SNX29: variants seen among roughly 807,000 people sequenced by gnomAD.
SNX29 encodes the protein sorting nexin 29, also known as sorting nexin-29.
A neutral mutation model predicts 102.1 loss-of-function variants in SNX29; 78 were observed. The ratio of observed to expected loss-of-function variants is 0.76; its 90% CI spans 0.64 to 0.92. The LOEUF (loss-of-function observed/expected upper bound fraction) is 0.92. SNX29 is among the 40% of genes least tolerant of loss of function. The probability of loss-of-function intolerance (pLI) is 0.00; values close to 1 mark genes in which losing one functional copy is unlikely to be tolerated. For missense variants in SNX29, 1,280 were observed against 1,061.7 expected (o/e 1.21, Z -2.86); for synonymous variants, 580 against 414.5 (o/e 1.40, Z -4.85).
intron 19 of SNX29, among the ~76,000 whole-genome samples, chr16:12,489,824 G>A (rs185748926): frequency 2.7e-5 from 4 of 147,816 alleles, no homozygotes; most frequent in South Asian, 4.3e-4. Flanking sequence ...CTTTTTTTTC[G>A]AGATTGCGTC....
chr16:12,078,915 A>G lies in SNX29; in HGVS notation c.1402A>G (p.Ser468Gly), dbSNP rs752408192. ...CTCAGTGCCAGAGTCCATGACAATT[A>G]GTAAGTACTTTCGCAGCCCCCTCCA... is the stretch of plus-strand genomic sequence containing the variant. ...SASVPESMTI[S>G]ELRQATVAMM... is the part of the protein sequence containing the mutation. The change falls in exon 11 of 21, where the codon AGT becomes GGT. Residue 468 changes from serine to glycine, a missense_variant and splice_region_variant. Physicochemically the swap from Ser to Gly is moderately conservative, Grantham distance 56 (BLOSUM62 0). Coordinates refer to ENST00000566228, the MANE Select transcript of SNX29 (RefSeq NM_032167.5). 6.3e-7 allele frequency: 1 copy of G among 1,599,882 alleles called. No homozygotes were observed. The highest frequency in any genetic ancestry group is 8.5e-7 in the Non-Finnish European group (1 of 1,173,272).
chr16:12,552,640 G>A (rs963341548), intron 20 of SNX29, among the ~76,000 whole-genome samples: 4 of 152,192 alleles, frequency 2.6e-5, no homozygotes, highest in Non-Finnish European at 4.4e-5. Flanking sequence ...CCAAACAAAT[G>A]GAAGGATTGC....
At chr16:12,444,415 G>T (rs553931584) in intron 18 of SNX29, among the ~76,000 whole-genome samples, 1 of 152,252 alleles carries the variant, frequency 6.6e-6, no homozygotes, top group Non-Finnish European at 1.5e-5. Flanking sequence ...GCAGGTGGCT[G>T]CTTCCAGCCC....
At chr16:12,396,582 T>C (rs950433003) in intron 16 of SNX29, among the ~76,000 whole-genome samples, 1 of 152,174 alleles carries the variant, frequency 6.6e-6, no homozygotes, top group Non-Finnish European at 1.5e-5. Context: ...CTACAGTGTC[T>C]GCCAGAGAAG....
intron 20 of SNX29, among the ~76,000 whole-genome samples, chr16:12,566,878 C>G (rs1040572062): frequency 3.3e-5 from 5 of 152,346 alleles, no homozygotes; most frequent in African/African-American, 1.2e-4. Context: ...GGCAAAGCAA[C>G]AACTTGACTT....
chr16:12,230,949 C>T (rs908976023), intron 14 of SNX29, among the ~76,000 whole-genome samples: 2 of 152,076 alleles, frequency 1.3e-5, no homozygotes, highest in African/African-American at 4.8e-5. Flanking sequence ...TGGGTTCAAG[C>T]GATTCTCCTG....
At chr16:12,560,561 G>T (rs76318072) in intron 20 of SNX29, among the ~76,000 whole-genome samples, 2 of 152,152 alleles carry the variant, frequency 1.3e-5, no homozygotes, top group South Asian at 2.1e-4. Context: ...GTTGCTCAGT[G>T]TGATTCCTTG....
At chr16:12,013,542 T>TATATAGAGAGAGAGAGAGAGAGAGAG (rs1382498593) in intron 3 of SNX29, among the ~76,000 whole-genome samples, 7 of 109,074 alleles carry the variant, frequency 6.4e-5, no homozygotes, top group African/African-American at 2.4e-4. Flanking sequence ...TATATATATA[T>TATATAGAGAGAGAGAGAGAGAGAGAG]CGAGAGAGGA....
chr16:12,192,286 G>A (rs946225912), intron 13 of SNX29, among the ~76,000 whole-genome samples: 1 of 152,200 alleles, frequency 6.6e-6, no homozygotes, highest in African/African-American at 2.4e-5. Flanking sequence ...GGGGCTGGGA[G>A]TGGGAAGGAG....
At chr16:12,330,792 C>G (rs2081271857) in intron 15 of SNX29, among the ~76,000 whole-genome samples, 1 of 152,206 alleles carries the variant, frequency 6.6e-6, no homozygotes, top group Non-Finnish European at 1.5e-5. Flanking sequence ...TTTGGTCACT[C>G]AGCAGCCCAG....
At chr16:12,205,651 T>A (rs893919639) in intron 14 of SNX29, among the ~76,000 whole-genome samples, 17 of 152,234 alleles carry the variant, frequency 1.1e-4, no homozygotes, top group Admixed American at 9.2e-4. Flanking sequence ...CCTGTCTCCA[T>A]TCAGATACCA....
intron 13 of SNX29, among the ~76,000 whole-genome samples, chr16:12,150,080 G>A (rs145335695): frequency 2.0e-5 from 3 of 152,272 alleles, no homozygotes; most frequent in East Asian, 1.9e-4. Context: ...TCCCAATGAG[G>A]AGTTTGGCCT....
chr16:12,557,021 C>CCT (rs1555458272), intron 20 of SNX29, among the ~76,000 whole-genome samples: 2 of 42,560 alleles, frequency 4.7e-5, no homozygotes, highest in African/African-American at 1.7e-4. Context: ...ATTTACCCCC[C>CCT]CCCCGCCCCA....
chr16:12,008,930 C>T (rs11075041), intron 3 of SNX29, among the ~76,000 whole-genome samples: 57,579 of 151,304 alleles, frequency 0.38, 12,034 homozygotes, highest in Non-Finnish European at 0.48. Context: ...TTAGTAGAGA[C>T]GGGGTTTCAC....
chr16:12,175,671 G>A (rs1344310971), intron 13 of SNX29, among the ~76,000 whole-genome samples: 2 of 149,822 alleles, frequency 1.3e-5, no homozygotes, highest in Admixed American at 6.7e-5. Flanking sequence ...AAAAAAGTAC[G>A]GGGCTGTAAT....
chr16:12,534,875 G>A (rs538451046), intron 20 of SNX29, among the ~76,000 whole-genome samples: 1 of 152,286 alleles, frequency 6.6e-6, no homozygotes, highest in South Asian at 2.1e-4. Context: ...GGGGGACAGT[G>A]CCACGAGAAT....
At chr16:11,981,160 G>T (rs1184349154) in intron 1 of SNX29, among the ~76,000 whole-genome samples, 1 of 151,998 alleles carries the variant, frequency 6.6e-6, no homozygotes, top group Non-Finnish European at 1.5e-5. Flanking sequence ...AGTAGAGATG[G>T]GGTTTTGCCA....
intron 15 of SNX29, among the ~76,000 whole-genome samples, chr16:12,328,285 A>C (rs1329325980): frequency 6.6e-6 from 1 of 152,196 alleles, no homozygotes; most frequent in South Asian, 2.1e-4. Flanking sequence ...TAGCTTGTTG[A>C]TATCTCTTGG....
intron 13 of SNX29, among the ~76,000 whole-genome samples, chr16:12,168,841 G>A (rs910127488): frequency 6.6e-6 from 1 of 152,250 alleles, no homozygotes; most frequent in African/African-American, 2.4e-5. Flanking sequence ...TTAGAAGAGT[G>A]ATGTGAGGGA....
Sources: allele counts gnomAD v4.1 joint callset (sites outside exome capture counted in the v4.1 genomes callset), GRCh38; gene constraint gnomAD v4.1.1; transcripts MANE v1.5; gene names NCBI Gene and HGNC (gene_info 2026-07-23, HGNC 2026-07-21).